The following HEPHL1 variants were observed in gnomAD, a reference collection of about 807,000 sequenced individuals.
The protein encoded by HEPHL1 is hephaestin like 1, also known as ferroxidase HEPHL1.
In HEPHL1, 123 loss-of-function variants were observed where a neutral mutation model predicts 122.0. That is an observed-to-expected ratio of 1.01 (90% confidence interval 0.87 to 1.17). The LOEUF is 1.17. HEPHL1 is among the 50% of genes most tolerant of loss of function. The pLI, the probability that HEPHL1 is intolerant of heterozygous loss-of-function variation, is 0.00. For synonymous variants in HEPHL1, 527 were observed against 508.9 expected (o/e 1.04, Z -0.48); for missense variants, 1,452 against 1,430.5 (o/e 1.01, Z -0.24).
In HEPHL1 at chr11:94,088,887, C is replaced by T; in HGVS notation, c.2213C>T (p.Ala738Val). ...RYGMIRTFYIAAEEVEWDYAP... is the reference protein window; with the variant it reads ...RYGMIRTFYIVAEEVEWDYAP... ...GGGATGATAAGAACTTTTTACATCG[C>T]CGCTGAAGAAGTAGAATGGGATTAT... The change falls in exon 12 of 20, where the codon GCC becomes GTC. Residue 738 changes from alanine (A) to valine (V), a missense_variant. Transcript: ENST00000315765. The T allele has an allele frequency of 6.2e-7, 1 of 1,613,972 alleles. No individual in the cohort carries two copies. Among genetic ancestry groups the T allele is most frequent in the Non-Finnish European group, 8.5e-7 (1 of 1,179,900 alleles).
chr11:94,109,487 T>G (rs1301328406), intron 17 of HEPHL1, among the ~76,000 whole-genome samples: 2 of 152,126 alleles, frequency 1.3e-5, no homozygotes, highest in Non-Finnish European at 2.9e-5. Context: ...AGCTGCAGCT[T>G]TTTTGTGGAT....
chr11:94,061,217 A>G (rs945570016), intron 2 of HEPHL1, among the ~76,000 whole-genome samples: 8 of 152,110 alleles, frequency 5.3e-5, no homozygotes, highest in African/African-American at 1.9e-4. Flanking sequence ...CTTGAGATTT[A>G]CAAGTAGGGA....
In HEPHL1 at chr11:94,105,990, G is replaced by A; in HGVS notation, c.2906-1G>A. 3 of 1,561,646 alleles carry A rather than the reference G, an allele frequency of 1.9e-6. No homozygotes were observed. The highest frequency in any genetic ancestry group is 2.6e-6 in the Non-Finnish European group (3 of 1,147,582). Reference sequence around the variant, plus strand: ...GGTTATTTTCTTATCACCTTTTAAAGCCATTAATGGAAAGATTTTTGGGAA... The same window carrying A: ...GGTTATTTTCTTATCACCTTTTAAAACCATTAATGGAAAGATTTTTGGGAA... On this transcript the variant is annotated splice_acceptor_variant, in intron 16 of 19. Transcript: ENST00000315765. LOFTEE classifies it high-confidence loss of function.
At chr11:94,046,301 T>C (rs1028448304) in intron 2 of HEPHL1, among the ~76,000 whole-genome samples, 5 of 151,352 alleles carry the variant, frequency 3.3e-5, no homozygotes, top group Admixed American at 6.6e-5. Flanking sequence ...TTTCACCACG[T>C]TGGCCAAGCT....
intron 1 of HEPHL1, among the ~76,000 whole-genome samples, chr11:94,028,873 C>T (rs1474892962): frequency 6.6e-6 from 1 of 152,218 alleles, no homozygotes; most frequent in East Asian, 1.9e-4. Flanking sequence ...GCTGGAGTTT[C>T]TGTTCTACTA....
chr11:94,082,047 A>G (rs549302102), intron 9 of HEPHL1, among the ~76,000 whole-genome samples: 1 of 152,292 alleles, frequency 6.6e-6, no homozygotes, highest in East Asian at 1.9e-4. Flanking sequence ...GGGTGTCTGG[A>G]GCAAGCTAGG....
At chr11:94,028,072 C>A (rs1518562) in intron 1 of HEPHL1, among the ~76,000 whole-genome samples, 55,919 of 151,976 alleles carry the variant, frequency 0.37, 10,764 homozygotes, top group Admixed American at 0.45. Context: ...TCTGACCACA[C>A]TCTCTGCTAA....
intron 4 of HEPHL1, among the ~76,000 whole-genome samples, chr11:94,066,678 T>C (rs1220586300): frequency 6.6e-6 from 1 of 152,218 alleles, no homozygotes; most frequent in Non-Finnish European, 1.5e-5. Context: ...GATCAATTTA[T>C]TTAAATTTAC....
chr11:94,037,216 C>T (rs1177113147), intron 1 of HEPHL1, among the ~76,000 whole-genome samples: 1 of 152,280 alleles, frequency 6.6e-6, no homozygotes, highest in Non-Finnish European at 1.5e-5. Context: ...TCAGAGGGTC[C>T]TACGCCCACG....
chr11:94,089,319 G>T (rs902144724), intron 12 of HEPHL1, among the ~76,000 whole-genome samples: 1 of 152,204 alleles, frequency 6.6e-6, no homozygotes, highest in Admixed American at 6.5e-5. Flanking sequence ...TGTATGATGT[G>T]GGGTGAGAGG....
At chr11:94,053,294 A>G (rs1945907585) in intron 2 of HEPHL1, among the ~76,000 whole-genome samples, 1 of 151,938 alleles carries the variant, frequency 6.6e-6, no homozygotes, top group South Asian at 2.1e-4. Context: ...TAATTTCTGT[A>G]TGGTCAGTGA....
At chr11:94,046,475 C>T (rs1421746711) in intron 2 of HEPHL1, among the ~76,000 whole-genome samples, 1 of 149,630 alleles carries the variant, frequency 6.7e-6, no homozygotes, top group Non-Finnish European at 1.5e-5. Context: ...CAGAACTCCT[C>T]AGTACCTGCT....
intron 17 of HEPHL1, among the ~76,000 whole-genome samples, chr11:94,107,871 A>T (rs1024123932): frequency 2.6e-5 from 4 of 152,146 alleles, no homozygotes; most frequent in African/African-American, 9.7e-5. Flanking sequence ...TTTTTGTGTG[A>T]ACATATGTTT....
In HEPHL1 at chr11:94,045,917, G is replaced by A. The variant is rs746467398; in HGVS notation, c.415G>A (p.Gly139Arg). Residue 139 changes from glycine to arginine, a missense_variant and splice_region_variant, in exon 2 of 20, where the codon GGA becomes AGA. Gly to Arg is a moderately radical substitution (Grantham distance 125). Transcript: ENST00000315765. ...CGTTTTCTACAACAAAGATTCAGAAGGTAAATATCAATCCTTTATTACTGG... is the reference window on the plus strand; with the variant it reads ...CGTTTTCTACAACAAAGATTCAGAAAGTAAATATCAATCCTTTATTACTGG... ...HGVFYNKDSEGALYPDGTSGR... is the reference protein window; with the variant it reads ...HGVFYNKDSERALYPDGTSGR... 6.2e-7 allele frequency: 1 copy of A among 1,613,224 alleles called. No individual in the cohort carries two copies. Among genetic ancestry groups the A allele is most frequent in the Non-Finnish European group, 8.5e-7 (1 of 1,179,610 alleles).
chr11:94,066,779 T>G (rs1347148459), intron 4 of HEPHL1, among the ~76,000 whole-genome samples: 3 of 152,210 alleles, frequency 2.0e-5, no homozygotes, highest in Non-Finnish European at 4.4e-5. Flanking sequence ...AGAAGGGATA[T>G]TGTGACTTTT....
chr11:94,046,126 A>T (rs1454165280), intron 2 of HEPHL1, among the ~76,000 whole-genome samples: 2 of 63,616 alleles, frequency 3.1e-5, no homozygotes, highest in Non-Finnish European at 5.8e-5. Context: ...AGGTAGTCTC[A>T]CTCTGTTGCC....
intron 9 of HEPHL1, among the ~76,000 whole-genome samples, chr11:94,079,390 T>C (rs1357153596): frequency 6.6e-6 from 1 of 152,242 alleles, no homozygotes; most frequent in Non-Finnish European, 1.5e-5. Context: ...TATTTTATTC[T>C]GAAAAATTTC....
intron 9 of HEPHL1, among the ~76,000 whole-genome samples, chr11:94,081,727 G>T (rs1482321475): frequency 6.6e-6 from 1 of 152,050 alleles, no homozygotes; most frequent in Non-Finnish European, 1.5e-5. Context: ...GTACAGAGAG[G>T]AATCCAAAGT....
chr11:94,042,995 T>C (rs1406378299), intron 1 of HEPHL1, among the ~76,000 whole-genome samples: 3 of 151,086 alleles, frequency 2.0e-5, no homozygotes, highest in Non-Finnish European at 2.9e-5. Flanking sequence ...TTGGAAAGGA[T>C]TGGGAAAGAA....
Sources: gnomAD v4.1 joint callset for allele counts (sites outside exome capture counted in the v4.1 genomes callset) on GRCh38, gnomAD v4.1.1 for gene constraint, MANE v1.5 for transcripts, NCBI Gene and HGNC (gene_info 2026-07-23, HGNC 2026-07-21) for gene names.